The following NFATC2 variants were observed in gnomAD, a reference collection of about 807,000 sequenced individuals.
The protein encoded by NFATC2 is nuclear factor of activated T cells 2.
A neutral mutation model predicts 87.3 loss-of-function variants in NFATC2; 22 were observed. That is an observed-to-expected ratio of 0.25 (90% CI 0.18 to 0.36). The LOEUF (loss-of-function observed/expected upper bound fraction) is 0.36, where lower values mean the gene tolerates loss of function less well. NFATC2 is among the 10% of genes least tolerant of loss of function. NFATC2 has a pLI of 1.00. For synonymous variants in NFATC2, 565 were observed against 542.2 expected, an observed-to-expected ratio of 1.04 and a Z score of -0.58; for missense variants, 1,149 against 1,259.1, an observed-to-expected ratio of 0.91 and a Z score of 1.32.
rs976322496 is a variant in NFATC2, at chr20:51,531,872, A to G, written c.131-7762T>C. On this transcript the variant is annotated intron_variant, in intron 1 of 10. Transcript: ENST00000371564. ...CCCAACCCCTTCGAAAGCATTACGAAAAAAAGGAAGACATTTTTATAAAAA... is the reference window on the plus strand; with the variant it reads ...CCCAACCCCTTCGAAAGCATTACGAGAAAAAGGAAGACATTTTTATAAAAA... 2.0e-5 allele frequency among the ~76,000 whole-genome samples: 3 copies of G among 152,342 alleles called. No homozygotes were observed. In the East Asian group the frequency reaches 5.8e-4, roughly 29 times the overall value.
At chr20:51,398,447 A>G (rs1987553155) in intron 10 of NFATC2, among the ~76,000 whole-genome samples, 196 bp downstream of exon 10, 1 of 152,066 alleles carries the variant, frequency 6.6e-6, no homozygotes, top group Non-Finnish European at 1.5e-5. Context: ...CTCCCGCCCA[A>G]CCCTGAGATT....
At position 51,435,242 on chromosome 20, in the gene NFATC2, C is replaced by T. The variant is rs561066890; in HGVS notation, c.1978G>A (p.Val660Ile). The T allele has an allele frequency of 3.8e-5, 62 of 1,614,138 alleles. 2 individuals carry two copies. Among genetic ancestry groups the T allele is most frequent in the Middle Eastern group, 3.3e-4 (2 of 6,060 alleles). Residue 660 changes from valine to isoleucine, a missense_variant, in exon 8 of 11, where the codon GTC becomes ATC. Val to Ile is a conservative substitution (Grantham distance 29). Around this residue, in one of 3 missense-constraint regions of NFATC2, gnomAD observed 581 missense variants for 649.7 expected, o/e 0.89. Transcript: ENST00000371564. ...IRTPVKVNFY[V>I]INGKRKRSQP... ...CTTCGTTTTCTCTTCCCATTGATGA[C>T]GTAGAAGTTCACTTTTACAGGTGTG...
chr20:51,560,676 G>A (rs2077013424), intron 1 of NFATC2, among the ~76,000 whole-genome samples: 1 of 152,190 alleles, frequency 6.6e-6, no homozygotes, highest in East Asian at 1.9e-4. Context: ...TGCCTTGGCA[G>A]ACCAAGTGTG....
intron 9 of NFATC2, among the ~76,000 whole-genome samples, chr20:51,404,792 G>C (rs933708578): frequency 2.6e-5 from 4 of 152,350 alleles, no homozygotes; most frequent in Admixed American, 2.0e-4. Flanking sequence ...CTGCGCCCTA[G>C]TGTGCGCAGA....
chr20:51,544,625 T>C (rs899436159), upstream of NFATC2, among the ~76,000 whole-genome samples: 2 of 152,238 alleles, frequency 1.3e-5, no homozygotes, highest in Admixed American at 6.5e-5. Flanking sequence ...AGCACAGTTA[T>C]GAACGGGGTT....
In NFATC2 at chr20:51,523,302, G is replaced by A. The variant is rs748675204; in HGVS notation, c.939C>T (p.Asp313=). The change falls in exon 2 of 11, where the codon GAC becomes GAT. Residue 313 remains aspartate, a synonymous_variant. Coordinates refer to ENST00000371564, the MANE Select transcript of NFATC2 (RefSeq NM_012340.5). The surrounding 1 kb of genome is among the most constrained non-coding windows in gnomAD (Gnocchi z 6.9). ...IMDALNSLAT[D]SPCGIPPKMW... ...TCTTGGGGGGGATCCCACAAGGCGA[G>A]TCCGTGGCGAGGCTGTTCAGGGCAT... is the stretch of plus-strand genomic sequence containing the variant. The A allele has an allele frequency of 1.2e-6, 2 of 1,613,850 alleles. No individual in the cohort carries two copies. Among genetic ancestry groups the A allele is most frequent in the South Asian group, 1.1e-5 (1 of 91,072 alleles).
intron 3 of NFATC2, among the ~76,000 whole-genome samples, chr20:51,514,522 A>G (rs954248967): frequency 6.6e-6 from 1 of 152,208 alleles, no homozygotes; most frequent in Non-Finnish European, 1.5e-5. Context: ...AAATGTTAGA[A>G]TTACAAGTAG....
intron 9 of NFATC2, chr20:51,399,003 G>A: frequency 2.9e-6 from 1 of 346,838 alleles, no homozygotes; most frequent in East Asian, 4.6e-5. Flanking sequence ...GTGGACAAAA[G>A]GGCTGCTGTG....
chr20:51,499,116 A>C (rs1260167108), intron 3 of NFATC2, among the ~76,000 whole-genome samples: 1 of 152,196 alleles, frequency 6.6e-6, no homozygotes, highest in Non-Finnish European at 1.5e-5. Flanking sequence ...GCTACTCTGC[A>C]TCTATACTCC....
rs1347143248 is a variant in NFATC2 at position 51,492,743 on chromosome 20, G to C, written c.1333-17083C>G. Reference sequence around the variant, plus strand: ...CCAGGCGACTTGGAAGAGGTTTAAGGCTCACGCCACACAAGGGAGGAAGCT... The same window carrying C: ...CCAGGCGACTTGGAAGAGGTTTAAGCCTCACGCCACACAAGGGAGGAAGCT... On this transcript the variant is annotated intron_variant, in intron 3 of 10. Transcript: ENST00000371564. 2.6e-5 allele frequency among the ~76,000 whole-genome samples: 4 copies of C among 152,188 alleles called. No individual in the cohort carries two copies. In the East Asian group the frequency reaches 7.7e-4, roughly 29 times the overall value.
At chr20:51,442,975 G>A (rs1255523083) in intron 6 of NFATC2, among the ~76,000 whole-genome samples, 1 of 152,128 alleles carries the variant, frequency 6.6e-6, no homozygotes, top group Non-Finnish European at 1.5e-5. Flanking sequence ...TGTCTACTGA[G>A]GTGGGGACCC....
chr20:51,467,180 A>C (rs1987774989), intron 5 of NFATC2, among the ~76,000 whole-genome samples: 1 of 152,222 alleles, frequency 6.6e-6, no homozygotes, highest in Admixed American at 6.5e-5. Context: ...TCCAGAATAT[A>C]TAAAGAACTG....
chr20:51,478,825 C>T (rs1988981074), intron 3 of NFATC2, among the ~76,000 whole-genome samples: 1 of 152,222 alleles, frequency 6.6e-6, no homozygotes, highest in African/African-American at 2.4e-5. Flanking sequence ...AGCCATCCTC[C>T]TGTTCCCTGA....
intron 3 of NFATC2, among the ~76,000 whole-genome samples, chr20:51,504,315 C>G (rs1268514143): frequency 6.6e-6 from 1 of 152,150 alleles, no homozygotes; most frequent in Non-Finnish European, 1.5e-5. Context: ...TTTGTATTTT[C>G]AGTAGAGCCG....
intron 6 of NFATC2, among the ~76,000 whole-genome samples, chr20:51,443,933 C>CA (rs1244004579): frequency 1.4e-4 from 21 of 150,270 alleles, no homozygotes; most frequent in African/African-American, 1.7e-4. Flanking sequence ...AAAAAAAAAA[C>CA]AAAAAAAATA....
intron 6 of NFATC2, among the ~76,000 whole-genome samples, chr20:51,441,528 C>A (rs1459348248): frequency 1.3e-5 from 2 of 151,794 alleles, no homozygotes; most frequent in African/African-American, 2.4e-5. Context: ...CCCACCTGAC[C>A]AACATGGTGA....
intron 1 of NFATC2, among the ~76,000 whole-genome samples, chr20:51,525,622 C>A (rs541986343): frequency 6.6e-6 from 1 of 150,536 alleles, no homozygotes; most frequent in East Asian, 2.0e-4. Context: ...GGACTCCTTA[C>A]TCTGATGCCT....
intron 5 of NFATC2, among the ~76,000 whole-genome samples, chr20:51,470,945 G>C (rs1988148078): frequency 6.6e-6 from 1 of 152,148 alleles, no homozygotes; most frequent in African/African-American, 2.4e-5. Flanking sequence ...AAGAAGAAAG[G>C]ATTTCATAGA....
At chr20:51,404,832 C>T (rs530645938) in intron 9 of NFATC2, among the ~76,000 whole-genome samples, 1 of 152,322 alleles carries the variant, frequency 6.6e-6, no homozygotes, top group South Asian at 2.1e-4. Flanking sequence ...TGCAGAGCAG[C>T]GTGAGTCACT....
Sources: gnomAD v4.1 joint callset for allele counts (sites outside exome capture counted in the v4.1 genomes callset) on GRCh38, gnomAD v4.1.1 for gene constraint, gnomAD v4.1.1 regional missense constraint, Gnocchi (gnomAD v3.1) non-coding constraint, MANE v1.5 for transcripts, NCBI Gene and HGNC (gene_info 2026-07-23, HGNC 2026-07-21) for gene names.